The following ADAM10 variants were observed in gnomAD, a reference collection of about 807,000 sequenced individuals.
The protein encoded by ADAM10 is ADAM metallopeptidase domain 10, also known as disintegrin and metalloproteinase domain-containing protein 10.
A neutral mutation model predicts 90.1 loss-of-function variants in ADAM10; 17 were observed. That is an observed-to-expected ratio of 0.19 (90% CI 0.13 to 0.28). ADAM10 has a LOEUF of 0.28. Among genes scored for constraint, ADAM10 ranks in the 10% least tolerant of loss-of-function variants. ADAM10 has a pLI of 1.00. For missense variants in ADAM10, 610 were observed against 914.3 expected, an observed-to-expected ratio of 0.67 and a Z score of 4.29; for synonymous variants, 310 against 298.6, an observed-to-expected ratio of 1.04 and a Z score of -0.40.
chr15:58,648,762 T>A (rs1190886760), intron 5 of ADAM10, among the ~76,000 whole-genome samples: 1 of 152,164 alleles, frequency 6.6e-6, no homozygotes, highest in Non-Finnish European at 1.5e-5. Context: ...AGTTATAATA[T>A]TACGGACATA....
chr15:58,636,403 A>G (rs1417988576), intron 8 of ADAM10, among the ~76,000 whole-genome samples: 1 of 152,242 alleles, frequency 6.6e-6, no homozygotes. Flanking sequence ...ATTTTTTTAA[A>G]TACTGCAACT....
intron 11 of ADAM10, among the ~76,000 whole-genome samples, chr15:58,612,514 C>G (rs1463346001): frequency 6.6e-6 from 1 of 152,188 alleles, no homozygotes; most frequent in Non-Finnish European, 1.5e-5. Flanking sequence ...TCCCTGCCCC[C>G]TAGGGCCCAA....
At chr15:58,611,294 T>C (rs1353684178) in intron 12 of ADAM10, 187 bp from the exon 13 acceptor site, 2 of 584,632 alleles carry the variant, frequency 3.4e-6, no homozygotes, top group African/African-American at 3.8e-5. Context: ...TGAAAAACAG[T>C]AAATCCAAGA....
intron 2 of ADAM10, 75 bp from the exon 3 acceptor site, chr15:58,682,389 A>T: frequency 3.2e-6 from 5 of 1,545,766 alleles, no homozygotes; most frequent in Admixed American, 2.0e-5. Flanking sequence ...TTTTTATTTT[A>T]AAAAGTCTAC....
rs189344681 is a variant in ADAM10 at position 58,743,299 on chromosome 15, T to C, written c.55+6181A>G. Among the ~76,000 whole-genome samples, 93 of 152,292 alleles carry C rather than the reference T, an allele frequency of 6.1e-4. 1 individual carries two copies. The highest frequency in any genetic ancestry group is 2.2e-3 in the African/African-American group (92 of 41,562). ...ACATAGGCCTCTCACTGAAACTTTG[T>C]GTTGGCAGCAGTGGCCAATGACTGC... On this transcript the variant is annotated intron_variant, in intron 1 of 15. Coordinates refer to ENST00000260408, the MANE Select transcript of ADAM10 (RefSeq NM_001110.4).
chr15:58,597,900 T>G (rs1595978043), intron 15 of ADAM10, among the ~76,000 whole-genome samples: 1 of 152,242 alleles, frequency 6.6e-6, no homozygotes, highest in East Asian at 1.9e-4. Context: ...ATACAAAAAT[T>G]ACTAACAAAA....
At chr15:58,684,939 C>G (rs1281469841) in intron 2 of ADAM10, among the ~76,000 whole-genome samples, 2 of 152,002 alleles carry the variant, frequency 1.3e-5, no homozygotes, top group Non-Finnish European at 2.9e-5. Context: ...TCTGGAGAAT[C>G]AAGAGAATTG....
intron 2 of ADAM10, among the ~76,000 whole-genome samples, chr15:58,689,391 C>G (rs547908493): frequency 5.5e-4 from 83 of 152,218 alleles, no homozygotes; most frequent in Non-Finnish European, 6.9e-4. Context: ...TAGGATGAGG[C>G]AGGAGAATTG....
chr15:58,627,719 C>T lies in ADAM10; in HGVS notation c.1341G>A (p.Lys447=). The part of the protein sequence containing the change: ...IRNISQVLEK[K]RNNCFVESGQ... ...ACATACCAACAAAACAGTTGTTTCTCTTCTTCTCAAGAACTTGGCTTATAT... is the reference window on the plus strand; with the variant it reads ...ACATACCAACAAAACAGTTGTTTCTTTTCTTCTCAAGAACTTGGCTTATAT... The change falls in exon 10 of 16, where the codon AAG becomes AAA. Residue 447 remains lysine (K), a synonymous_variant. Transcript: ENST00000260408. 4 of 1,612,968 alleles carry T rather than the reference C, an allele frequency of 2.5e-6. No homozygotes were observed. The highest frequency in any genetic ancestry group is 1.3e-5 in the African/African-American group (1 of 75,018).
intron 14 of ADAM10, among the ~76,000 whole-genome samples, chr15:58,602,193 T>A (rs1263870507): frequency 2.0e-5 from 3 of 152,236 alleles, no homozygotes; most frequent in Non-Finnish European, 4.4e-5. Flanking sequence ...TTTTTGGACA[T>A]GTCCTCATCA....
chr15:58,623,467 T>C (rs1338309958), intron 10 of ADAM10, among the ~76,000 whole-genome samples: 1 of 152,228 alleles, frequency 6.6e-6, no homozygotes, highest in Non-Finnish European at 1.5e-5. Flanking sequence ...TTGGAGGTCA[T>C]CGAAGCTTCA....
At position 58,638,058 on chromosome 15, in the gene ADAM10, G is replaced by A. The variant is rs1896315331; in HGVS notation, c.1012+2719C>T. Among the ~76,000 whole-genome samples, 3 of 152,152 alleles carry A rather than the reference G, an allele frequency of 2.0e-5. No homozygotes were observed. The South Asian group carries it at 6.2e-4, about 32-fold the overall frequency. Reference sequence around the variant, plus strand: ...CTACACTCGAAAAAGTTGGACCAAAGGAACAAAGATCCCTTTTCTTTCCCA... The same window carrying A: ...CTACACTCGAAAAAGTTGGACCAAAAGAACAAAGATCCCTTTTCTTTCCCA... On this transcript the variant is annotated intron_variant, in intron 8 of 15. Transcript: ENST00000260408.
chr15:58,600,370 T>A (rs1376346648), intron 14 of ADAM10, among the ~76,000 whole-genome samples: 1 of 152,240 alleles, frequency 6.6e-6, no homozygotes, highest in Non-Finnish European at 1.5e-5. Context: ...TTTCTAATTA[T>A]CAAAGTTAAG....
At chr15:58,731,930 C>A (rs1455767960) in intron 1 of ADAM10, among the ~76,000 whole-genome samples, 1 of 152,208 alleles carries the variant, frequency 6.6e-6, no homozygotes, top group Non-Finnish European at 1.5e-5. Context: ...GTGGAGACTT[C>A]TGGTTCACTG....
intron 12 of ADAM10, chr15:58,611,562 A>T (rs1895438984): frequency 2.2e-6 from 1 of 463,556 alleles, no homozygotes; most frequent in Non-Finnish European, 3.8e-6. Flanking sequence ...TATTATAGAC[A>T]AATCACATGC....
chr15:58,684,385 T>C (rs1429147286), intron 2 of ADAM10, among the ~76,000 whole-genome samples: 1 of 152,114 alleles, frequency 6.6e-6, no homozygotes, highest in African/African-American at 2.4e-5. Context: ...GTGGGGCCCC[T>C]AGATGACCTT....
intron 8 of ADAM10, among the ~76,000 whole-genome samples, chr15:58,640,526 A>T (rs1338162081): frequency 6.6e-6 from 1 of 152,134 alleles, no homozygotes; most frequent in Non-Finnish European, 1.5e-5. Flanking sequence ...TTCTCATAAA[A>T]TTATTTATTT....
At chr15:58,599,504 TAAC>T in intron 15 of ADAM10, 91 bp downstream of exon 15, 2 of 1,394,744 alleles carry the variant, frequency 1.4e-6, no homozygotes, top group Non-Finnish European at 2.0e-6. Context: ...GAAAGTACTG[TAAC>T]ATTAGTTACT....
At chr15:58,636,581 TTTCAA>T (rs755684906) in intron 8 of ADAM10, among the ~76,000 whole-genome samples, 57 of 152,232 alleles carry the variant, frequency 3.7e-4, no homozygotes, top group Admixed American at 1.6e-3. Flanking sequence ...GGTGAAACGT[TTTCAA>T]TTCGGGTCAA....
Sources: allele counts gnomAD v4.1 joint callset (sites outside exome capture counted in the v4.1 genomes callset), GRCh38; gene constraint gnomAD v4.1.1; transcripts MANE v1.5; gene names NCBI Gene and HGNC (gene_info 2026-07-23, HGNC 2026-07-21).